Variants in RPTOR observed in about 807,000 individuals in gnomAD.
RPTOR encodes regulatory associated protein of MTOR complex 1.
In RPTOR, 21 loss-of-function variants were observed where a neutral mutation model predicts 169.9. The ratio of observed to expected loss-of-function variants is 0.12; its 90% CI spans 0.09 to 0.18. The LOEUF is 0.18. Among genes scored for constraint, RPTOR ranks in the 10% least tolerant of loss-of-function variants. The pLI, the probability that RPTOR is intolerant of heterozygous loss-of-function variation, is 1.00. For synonymous variants in RPTOR, 732 were observed against 753.2 expected (o/e 0.97, Z 0.46); for missense variants, 1,133 against 1,855.9 (o/e 0.61, Z 7.16).
intron 3 of RPTOR, among the ~76,000 whole-genome samples, chr17:80,668,471 G>T (rs1256422470): frequency 6.6e-6 from 1 of 152,198 alleles, no homozygotes; most frequent in African/African-American, 2.4e-5. Flanking sequence ...GCATGCACTT[G>T]TTCTCCCAGA....
intron 20 of RPTOR, among the ~76,000 whole-genome samples, chr17:80,895,132 T>C (rs2068382037): frequency 6.6e-6 from 1 of 152,144 alleles, no homozygotes; most frequent in Admixed American, 6.5e-5. Flanking sequence ...AACTCAGAAT[T>C]CAGCCCCTGC....
chr17:80,930,511 T>TCAGCTCAC (rs1218092500), intron 24 of RPTOR, among the ~76,000 whole-genome samples: 1 of 66,622 alleles, frequency 1.5e-5, no homozygotes, highest in African/African-American at 5.4e-5. Context: ...CCTCAGCTCA[T>TCAGCTCAC]CTTCAGCTTA....
chr17:80,583,196 T>TTTG (rs1555717406), intron 1 of RPTOR, among the ~76,000 whole-genome samples: 1 of 137,374 alleles, frequency 7.3e-6, no homozygotes, highest in African/African-American at 2.7e-5. Context: ...TTTTTTTTTT[T>TTTG]TTTTTTTTTT....
chr17:80,629,966 G>A (rs1186890824), intron 2 of RPTOR, among the ~76,000 whole-genome samples: 1 of 152,234 alleles, frequency 6.6e-6, no homozygotes, highest in Non-Finnish European at 1.5e-5. Flanking sequence ...GCTTTTGTTA[G>A]TCTGCTGATA....
intron 20 of RPTOR, among the ~76,000 whole-genome samples, chr17:80,900,495 T>C (rs956761656): frequency 1.3e-5 from 2 of 152,222 alleles, no homozygotes; most frequent in African/African-American, 4.8e-5. Flanking sequence ...TTTGTACTTT[T>C]AGTAGAGACA....
intron 6 of RPTOR, among the ~76,000 whole-genome samples, chr17:80,775,648 C>T (rs2066885664): frequency 6.6e-6 from 1 of 152,222 alleles, no homozygotes; most frequent in African/African-American, 2.4e-5. Context: ...AGACAGCCCC[C>T]ACGTTTGGCT....
intron 1 of RPTOR, among the ~76,000 whole-genome samples, chr17:80,600,344 T>C (rs1287988989): frequency 2.0e-5 from 3 of 152,138 alleles, no homozygotes; most frequent in South Asian, 4.1e-4. Flanking sequence ...CAATACAAAA[T>C]GAAAATAAGT....
At chr17:80,814,573 T>A (rs1173078868) in intron 7 of RPTOR, among the ~76,000 whole-genome samples, 13 of 152,232 alleles carry the variant, frequency 8.5e-5, no homozygotes, top group African/African-American at 3.1e-4. Flanking sequence ...AGTTTTTCAT[T>A]TAACATTTTG....
intron 17 of RPTOR, among the ~76,000 whole-genome samples, chr17:80,890,668 A>C (rs1012505516): frequency 2.0e-5 from 3 of 152,234 alleles, no homozygotes; most frequent in African/African-American, 4.8e-5. Context: ...TTCATAGGGC[A>C]GGGAGAGTTT....
Position 80,746,250 on chromosome 17 carries a change from G to A in RPTOR, c.655-7760G>A, listed in dbSNP as rs1398807013. The stretch of plus-strand genomic sequence containing the variant: ...GGGTGATCCCCACCGCCCCCACAGC[G>A]GTGCTTTCTGCGGGTGATCCCCACC... On this transcript the variant is annotated intron_variant, in intron 5 of 33. Transcript: ENST00000306801. This position sits in a 1 kb window ranked among gnomAD's most constrained non-coding sequence, Gnocchi z 4.5. 7.1e-5 allele frequency among the ~76,000 whole-genome samples: 10 copies of A among 140,336 alleles called. No individual in the cohort carries two copies. The highest frequency in any genetic ancestry group is 6.7e-4 in the South Asian group (3 of 4,470). 92.1% of individuals were successfully genotyped at this position (140,336 alleles called of 152,430 possible). A position where few individuals can be genotyped will look rare whatever the true frequency, so the allele number is the denominator to read the frequency against.
At chr17:80,816,174 G>A (rs1853664433) in intron 7 of RPTOR, among the ~76,000 whole-genome samples, 1 of 152,250 alleles carries the variant, frequency 6.6e-6, no homozygotes, top group Admixed American at 6.5e-5. Context: ...TATGTTTGGG[G>A]GCCCAGCTGT....
chr17:80,662,076 C>T (rs1018642664), intron 3 of RPTOR, among the ~76,000 whole-genome samples: 2 of 151,798 alleles, frequency 1.3e-5, no homozygotes, highest in African/African-American at 4.8e-5. Flanking sequence ...TAGTAAAATG[C>T]GTAGATCTTG....
chr17:80,727,878 T>C (rs937242669), intron 4 of RPTOR, among the ~76,000 whole-genome samples: 8 of 152,220 alleles, frequency 5.3e-5, no homozygotes, highest in African/African-American at 1.7e-4. Flanking sequence ...TACTTCCCAA[T>C]TGCCTTCCAT....
chr17:80,892,253 T>C (rs1302881650), intron 18 of RPTOR, among the ~76,000 whole-genome samples: 1 of 152,068 alleles, frequency 6.6e-6, no homozygotes, highest in Admixed American at 6.5e-5. Flanking sequence ...ACAGTTCCTA[T>C]CTCATCGCTG....
chr17:80,678,988 A>G (rs761444589), intron 3 of RPTOR, among the ~76,000 whole-genome samples: 14 of 152,144 alleles, frequency 9.2e-5, no homozygotes, highest in Non-Finnish European at 1.8e-4. Context: ...CTTCCAGGGC[A>G]TTTCTCTCGC....
At chr17:80,857,710 G>C in intron 12 of RPTOR, 80 bp from the exon 13 acceptor site, 2 of 900,250 alleles carry the variant, frequency 2.2e-6, no homozygotes, top group Non-Finnish European at 3.6e-6. Flanking sequence ...TAGCACCGCA[G>C]CTGGTCCCGC....
At chr17:80,786,326 A>C (rs1327893691) in intron 6 of RPTOR, among the ~76,000 whole-genome samples, 1 of 152,182 alleles carries the variant, frequency 6.6e-6, no homozygotes, top group Non-Finnish European at 1.5e-5. Flanking sequence ...TGGTAAATAC[A>C]TGTGGGTTTT....
At chr17:80,623,878 G>A (rs2065374033) in intron 1 of RPTOR, among the ~76,000 whole-genome samples, 1 of 151,918 alleles carries the variant, frequency 6.6e-6, no homozygotes. Flanking sequence ...ATTTTCTTTA[G>A]GTATTTAAAA....
At chr17:80,904,917 AT>A (rs1028661253) in intron 20 of RPTOR, among the ~76,000 whole-genome samples, 10 of 152,002 alleles carry the variant, frequency 6.6e-5, no homozygotes, top group South Asian at 4.2e-4. Flanking sequence ...CAAAAATTAG[AT>A]TTTTTTTTCC....
Sources: gnomAD v4.1 joint callset for allele counts (sites outside exome capture counted in the v4.1 genomes callset) on GRCh38, gnomAD v4.1.1 for gene constraint, Gnocchi (gnomAD v3.1) non-coding constraint, MANE v1.5 for transcripts, NCBI Gene and HGNC (gene_info 2026-07-23, HGNC 2026-07-21) for gene names.